The following SLC22A8 variants were observed in gnomAD, a reference collection of about 807,000 sequenced individuals.
SLC22A8 encodes the protein solute carrier family 22 member 8, also known as organic anion transporter 3.
A neutral mutation model predicts 48.4 loss-of-function variants in SLC22A8; 40 were observed. That is an observed-to-expected ratio of 0.83 (90% CI 0.64 to 1.08). The LOEUF is 1.08. SLC22A8 is among the 50% of genes least tolerant of loss of function. The pLI is 0.00. For missense variants in SLC22A8, 606 were observed against 699.0 expected (o/e 0.87, Z 1.50); for synonymous variants, 268 against 286.3 (o/e 0.94, Z 0.65).
chr11:63,014,740 G>A lies in SLC22A8; in HGVS notation c.219C>T (p.Cys73=). ...PMGPNGKPER[C]LRFVHPPNAS... is the part of the protein sequence containing the mutation. ...CATTGGGCGGATGTACAAAACGGAG[G>A]CACCTCTCAGGCTTCCCATTTGGGC... is the stretch of plus-strand genomic sequence containing the variant. Residue 73 remains cysteine (C), a synonymous_variant, in exon 2 of 11, where the codon TGC becomes TGT. Transcript: ENST00000336232. 1.2e-6 allele frequency: 2 copies of A among 1,614,156 alleles called. No individual in the cohort carries two copies. The highest frequency in any genetic ancestry group is 1.7e-6 in the Non-Finnish European group (2 of 1,179,976).
chr11:63,004,382 C>G (rs1337673639), intron 2 of SLC22A8, among the ~76,000 whole-genome samples: 2 of 152,186 alleles, frequency 1.3e-5, no homozygotes, highest in African/African-American at 4.8e-5. Context: ...CTGCTACTGC[C>G]CTCTCCCTCA....
chr11:62,996,036 C>T lies in SLC22A8; in HGVS notation c.878G>A (p.Ser293Asn), dbSNP rs753027659. Reference sequence around the variant, plus strand: ...ATAGTCCTCAGCCCCTACCTCCAAGCTGAGCCTTTCTCCCTCTTCCTTCTT... The same window carrying T: ...ATAGTCCTCAGCCCCTACCTCCAAGTTGAGCCTTTCTCCCTCTTCCTTCTT... ...NGKKEEGERL[S>N]LEELKLNLQK... is the part of the protein sequence containing the mutation. The change falls in exon 6 of 11, where the codon AGC becomes AAC. Residue 293 changes from serine (S) to asparagine (N), a missense_variant. Ser to Asn is a conservative substitution (Grantham distance 46, BLOSUM62 1). Transcript: ENST00000336232. 3.1e-6 allele frequency: 5 copies of T among 1,614,004 alleles called. No homozygotes were observed. In the East Asian group the frequency reaches 8.9e-5, roughly 29 times the overall value.
chr11:63,000,096 C>T (rs748340548), intron 3 of SLC22A8, among the ~76,000 whole-genome samples: 5 of 152,194 alleles, frequency 3.3e-5, no homozygotes, highest in African/African-American at 9.6e-5. Context: ...GTCAAAGGAC[C>T]GCCCATCTCT....
chr11:63,009,584 T>G (rs993283296), intron 2 of SLC22A8, among the ~76,000 whole-genome samples: 1 of 152,252 alleles, frequency 6.6e-6, no homozygotes, highest in Non-Finnish European at 1.5e-5. Context: ...CGTGTTCCCA[T>G]GCTTTCTAGA....
chr11:63,014,583 G>T, intron 2 of SLC22A8, 43 bp downstream of exon 2: 1 of 1,507,344 alleles, frequency 6.6e-7, no homozygotes, highest in Non-Finnish European at 9.1e-7. Flanking sequence ...CAGGGTATGG[G>T]GGTACGTGGG....
rs762492581 is a variant in SLC22A8 at position 62,995,894 on chromosome 11, G to T, written c.886-75C>A. On this transcript the variant is annotated intron_variant, in intron 6 of 10. Transcript: ENST00000336232. ...AGGACGAAGAGAGGGAGATGCAGGC[G>T]TGGTGCCTCTAGAGGAGCTCAGGGA... The T allele has an allele frequency of 4.0e-6, 6 of 1,495,778 alleles. No individual in the cohort carries two copies. The South Asian group carries it at 4.5e-5, about 11-fold the overall frequency. 92.7% of individuals were successfully genotyped at this position (1,495,778 alleles called of 1,614,324 possible). A position where few individuals can be genotyped will look rare whatever the true frequency, so the allele number is the denominator to read the frequency against.
At chr11:63,001,906 T>C (rs1374580164) in intron 2 of SLC22A8, among the ~76,000 whole-genome samples, 1 of 152,148 alleles carries the variant, frequency 6.6e-6, no homozygotes, top group East Asian at 1.9e-4. Context: ...TAACCTTCTC[T>C]TTTTAATTAA....
At position 62,993,123 on chromosome 11, in the gene SLC22A8, G is replaced by C; in HGVS notation, c.*114C>G. 1 of 736,428 alleles carries C rather than the reference G, an allele frequency of 1.4e-6. No homozygotes were observed. The highest frequency in any genetic ancestry group is 2.2e-6 in the Non-Finnish European group (1 of 447,888). The allele number at this position is 736,428 out of a possible 1,614,324, so 45.6% of individuals were successfully genotyped here. On this transcript the variant is annotated 3_prime_UTR_variant, in exon 11 of 11. Coordinates refer to ENST00000336232, the MANE Select transcript of SLC22A8 (RefSeq NM_004254.4). ...GTGGTGATGGAGACACCTTCACCAA[G>C]CTCTCAGAAGGCTTCATCCTAGGAG...
At chr11:63,004,239 C>G (rs1314640172) in intron 2 of SLC22A8, among the ~76,000 whole-genome samples, 1 of 152,156 alleles carries the variant, frequency 6.6e-6, no homozygotes, top group Non-Finnish European at 1.5e-5. Flanking sequence ...GAAAATTGAG[C>G]AATTTACAGA....
At chr11:63,006,777 T>A (rs1565300424) in intron 2 of SLC22A8, among the ~76,000 whole-genome samples, 2 of 150,646 alleles carry the variant, frequency 1.3e-5, no homozygotes, top group Non-Finnish European at 3.0e-5. Flanking sequence ...CTGGCTAATT[T>A]TTTTTTTTTT....
At chr11:62,999,375 T>G (rs1322810903) in intron 4 of SLC22A8, 5 of 493,632 alleles carry the variant, frequency 1.0e-5, no homozygotes, top group African/African-American at 9.5e-5. Flanking sequence ...GGCAAGTGAC[T>G]TTCCTTGTTC....
rs755319546 is a variant in SLC22A8, at chr11:62,993,879, C to T, written c.1217-1G>A. On this transcript the variant is annotated splice_acceptor_variant, in intron 8 of 10. Coordinates refer to ENST00000336232, the MANE Select transcript of SLC22A8 (RefSeq NM_004254.4). LOFTEE classifies it high-confidence loss of function. The stretch of plus-strand genomic sequence containing the variant: ...AATACTGTCCTCACGGTCTGCAAGT[C>T]TGCAGAGGGAAGAAAATGTGGTGGG... 2 of 1,595,204 alleles carry T rather than the reference C, an allele frequency of 1.3e-6. No homozygotes were observed. The highest frequency in any genetic ancestry group is 1.7e-5 in the Admixed American group (1 of 60,002).
intron 2 of SLC22A8, among the ~76,000 whole-genome samples, chr11:63,009,030 G>C (rs1329480564): frequency 6.6e-6 from 1 of 152,162 alleles, no homozygotes; most frequent in Non-Finnish European, 1.5e-5. Flanking sequence ...TTCTCGGTCA[G>C]GGCTGTCAAT....
At chr11:63,005,210 G>A (rs1297290767) in intron 2 of SLC22A8, among the ~76,000 whole-genome samples, 1 of 152,192 alleles carries the variant, frequency 6.6e-6, no homozygotes, top group African/African-American at 2.4e-5. Context: ...CAGAACTGAT[G>A]AGAAAAATAT....
Position 62,998,942 on chromosome 11 carries a change from A to G in SLC22A8, c.740T>C (p.Phe247Ser), listed in dbSNP as rs2086456487. Residue 247 changes from phenylalanine (F) to serine (S), a missense_variant, in exon 5 of 11, where the codon TTC becomes TCC. Physicochemically the swap from Phe to Ser is radical, Grantham distance 155. Coordinates refer to ENST00000336232, the MANE Select transcript of SLC22A8 (RefSeq NM_004254.4). The part of the protein sequence containing the change: ...WLQLTVSIPF[F>S]VFFLSSWWTP... Reference sequence around the variant, plus strand: ...ATACCAGGATGATAGGAAGAAGACGAAGAAGGGAATGGACACAGTTAACTG... The same window carrying G: ...ATACCAGGATGATAGGAAGAAGACGGAGAAGGGAATGGACACAGTTAACTG... 1.2e-6 allele frequency: 2 copies of G among 1,611,712 alleles called. No individual in the cohort carries two copies. The highest frequency in any genetic ancestry group is 1.7e-6 in the Non-Finnish European group (2 of 1,178,022).
intron 1 of SLC22A8, among the ~76,000 whole-genome samples, chr11:63,015,294 C>A (rs974447455): frequency 1.3e-5 from 2 of 152,170 alleles, no homozygotes; most frequent in Non-Finnish European, 2.9e-5. Flanking sequence ...GACACAGCTG[C>A]GTGAGCTCGG....
intron 2 of SLC22A8, among the ~76,000 whole-genome samples, chr11:63,001,423 G>A (rs1410959706): frequency 6.6e-6 from 1 of 152,138 alleles, no homozygotes; most frequent in Non-Finnish European, 1.5e-5. Context: ...TCCTTTTCAT[G>A]TCTCACTTCT....
At chr11:63,012,611 T>C (rs2086632158) in intron 2 of SLC22A8, among the ~76,000 whole-genome samples, 1 of 152,192 alleles carries the variant, frequency 6.6e-6, no homozygotes. Context: ...CAGAGCACTC[T>C]GAGTGTACAA....
Position 63,000,815 on chromosome 11 carries a change from C to G in SLC22A8, c.342G>C (p.Leu114Phe), listed in dbSNP as rs781123967. Residue 114 changes from leucine (L) to phenylalanine (F), a missense_variant, in exon 3 of 11, where the codon TTG (leucine) becomes TTC (phenylalanine). Leu to Phe is a conservative substitution (Grantham distance 22, BLOSUM62 0). Transcript: ENST00000336232. ...CCTTCAGTTTGTTGGAGTTGCACAC[C>G]AAGTCCCACTGCACAAGAGAAAGGT... Reference protein sequence around the residue: ...TKDSIVTEWDLVCNSNKLKEM... With the variant: ...TKDSIVTEWDFVCNSNKLKEM... The G allele has an allele frequency of 1.2e-6, 2 of 1,612,850 alleles. No individual in the cohort carries two copies. Among genetic ancestry groups the G allele is most frequent in the Admixed American group, 3.3e-5 (2 of 59,992 alleles).
Sources: gnomAD v4.1 joint callset for allele counts (sites outside exome capture counted in the v4.1 genomes callset) on GRCh38, gnomAD v4.1.1 for gene constraint, MANE v1.5 for transcripts, NCBI Gene and HGNC (gene_info 2026-07-23, HGNC 2026-07-21) for gene names.